RALGAPB: variants seen among roughly 807,000 people sequenced by gnomAD.
The protein encoded by RALGAPB is ral GTPase-activating protein subunit beta.
Under a neutral mutation model 161.1 loss-of-function variants are expected in RALGAPB, and 25 were observed. The observed-to-expected ratio is 0.16, with a 90% CI of 0.11 to 0.22. The LOEUF (loss-of-function observed/expected upper bound fraction) is 0.22, where lower values mean the gene tolerates loss of function less well. Among genes scored for constraint, RALGAPB ranks in the 10% least tolerant of loss-of-function variants. The pLI is 1.00. For synonymous variants in RALGAPB, 629 were observed against 626.1 expected (o/e 1.00, Z -0.07); for missense variants, 1,391 against 1,815.2 (o/e 0.77, Z 4.25).
intron 19 of RALGAPB, among the ~76,000 whole-genome samples, chr20:38,548,483 T>G (rs1250016747): frequency 6.6e-6 from 1 of 152,228 alleles, no homozygotes; most frequent in Non-Finnish European, 1.5e-5. Context: ...CATTTAGAGA[T>G]GCACAAGAGT....
chr20:38,535,155 A>G lies in RALGAPB; in HGVS notation c.2327A>G (p.Gln776Arg). ...VTQRLNSQWR[Q>R]DMSISLAALE... ...CAAAGACTCAACTCCCAGTGGCGCC[A>G]AGACATGAGCATATCACTGGCAGCT... is the stretch of plus-strand genomic sequence containing the variant. Residue 776 changes from glutamine to arginine, a missense_variant, in exon 16 of 30, where the codon CAA (glutamine) becomes CGA (arginine). Physicochemically the swap from Gln to Arg is conservative, Grantham distance 43. Coordinates refer to ENST00000262879, the MANE Select transcript of RALGAPB (RefSeq NM_020336.4). 1.9e-6 allele frequency: 3 copies of G among 1,614,168 alleles called. No individual in the cohort carries two copies. The highest frequency in any genetic ancestry group is 2.5e-6 in the Non-Finnish European group (3 of 1,179,992).
chr20:38,556,965 A>T (rs76859453), intron 22 of RALGAPB, among the ~76,000 whole-genome samples: 4,362 of 152,266 alleles, frequency 0.029, 76 homozygotes, highest in Admixed American at 0.044. Flanking sequence ...CAGAAATATT[A>T]ATGTCTTTTA....
chr20:38,525,836 C>G, intron 12 of RALGAPB, 59 bp from the exon 13 acceptor site: 9 of 1,548,102 alleles, frequency 5.8e-6, no homozygotes, highest in Non-Finnish European at 8.0e-6. Flanking sequence ...CTAGCTGTTC[C>G]CACATGGGCA....
rs989436499 is a variant in RALGAPB at position 38,575,145 on chromosome 20, T to C, written c.*178T>C. 2 of 588,424 alleles carry C rather than the reference T, an allele frequency of 3.4e-6. No homozygotes were observed. The highest frequency in any genetic ancestry group is 6.0e-6 in the Non-Finnish European group (2 of 335,930). 36.5% of individuals were successfully genotyped at this position (588,424 alleles called of 1,614,324 possible). The stretch of plus-strand genomic sequence containing the variant: ...TGATAGAAGACTTTGGGCTATCTAG[T>C]GAAATGGGCTCCCAGACACAATCAC... On this transcript the variant is annotated 3_prime_UTR_variant, in exon 30 of 30. Transcript: ENST00000262879.
intron 1 of RALGAPB, among the ~76,000 whole-genome samples, chr20:38,483,262 C>T (rs1026761563): frequency 2.0e-4 from 31 of 152,304 alleles, no homozygotes; most frequent in African/African-American, 6.5e-4. Flanking sequence ...TGCAACGTTA[C>T]CCAGCTTGCA....
intron 23 of RALGAPB, among the ~76,000 whole-genome samples, chr20:38,560,633 G>A (rs984667299): frequency 1.3e-5 from 2 of 152,134 alleles, no homozygotes; most frequent in African/African-American, 4.8e-5. Context: ...GCATTGTTTT[G>A]TATAAGAATA....
intron 5 of RALGAPB, among the ~76,000 whole-genome samples, chr20:38,500,268 TTGTG>T (rs1265761541): frequency 3.3e-5 from 5 of 151,564 alleles, no homozygotes; most frequent in Admixed American, 6.6e-5. Flanking sequence ...AATTGAAGGG[TTGTG>T]GCAACCCTGC....
At chr20:38,544,915 C>T (rs1328430052) in intron 18 of RALGAPB, among the ~76,000 whole-genome samples, 2 of 152,018 alleles carry the variant, frequency 1.3e-5, no homozygotes, top group African/African-American at 2.4e-5. Context: ...TTTTTTCACA[C>T]GTTTACCTTT....
At position 38,539,931 on chromosome 20, in the gene RALGAPB, A is replaced by G. The variant is rs1180586613; in HGVS notation, c.2535A>G (p.Thr845=). 1.9e-6 allele frequency: 3 copies of G among 1,613,918 alleles called. No individual in the cohort carries two copies. In the Middle Eastern group the frequency reaches 5.0e-4, roughly 266 times the overall value. The change falls in exon 17 of 30, where the codon ACA becomes ACG. Residue 845 remains threonine (T), a synonymous_variant. Coordinates refer to ENST00000262879, the MANE Select transcript of RALGAPB (RefSeq NM_020336.4). ...TTCAGTGTCTCTGTGTCTGGCTGAC[A>G]GAGCACCCTGATATGCTTGATGAAA... is the stretch of plus-strand genomic sequence containing the variant. ...AAFQCLCVWL[T]EHPDMLDEKD...
intron 2 of RALGAPB, among the ~76,000 whole-genome samples, chr20:38,490,033 G>T (rs6070345): frequency 6.7e-6 from 1 of 148,224 alleles, no homozygotes; most frequent in Non-Finnish European, 1.5e-5. Context: ...TTTTTGAGAC[G>T]GAGTCTCGCT....
At chr20:38,546,765 ACTC>A (rs990127398) in intron 19 of RALGAPB, 8 of 260,180 alleles carry the variant, frequency 3.1e-5, no homozygotes, top group Admixed American at 4.8e-5. Context: ...CCTCCCTCTC[ACTC>A]CTCATGTTCT....
intron 13 of RALGAPB, among the ~76,000 whole-genome samples, chr20:38,530,151 G>A (rs2086609727): frequency 2.0e-5 from 3 of 152,162 alleles, no homozygotes. Flanking sequence ...TTACTGCAGT[G>A]TTCAGTCTGT....
At chr20:38,560,451 A>T (rs1655198194) in intron 23 of RALGAPB, among the ~76,000 whole-genome samples, 1 of 152,182 alleles carries the variant, frequency 6.6e-6, no homozygotes, top group Non-Finnish European at 1.5e-5. Flanking sequence ...TCTTCAGGGT[A>T]AAGAGAGCAT....
chr20:38,571,518 T>C lies in RALGAPB; in HGVS notation c.4142+671T>C, dbSNP rs1036944060. On this transcript the variant is annotated intron_variant, in intron 28 of 29. Coordinates refer to ENST00000262879, the MANE Select transcript of RALGAPB (RefSeq NM_020336.4). ...GCGTAATGTACTCTAGATTCACCCATGTTGTTGCAGATGGCAGGATTTCCA... is the reference window on the plus strand; with the variant it reads ...GCGTAATGTACTCTAGATTCACCCACGTTGTTGCAGATGGCAGGATTTCCA... Among the ~76,000 whole-genome samples, 8 of 152,208 alleles carry C rather than the reference T, an allele frequency of 5.3e-5. No individual in the cohort carries two copies. The East Asian group carries it at 9.6e-4, about 18-fold the overall frequency.
chr20:38,494,699 G>C (rs1189523710), intron 3 of RALGAPB, among the ~76,000 whole-genome samples: 3 of 152,184 alleles, frequency 2.0e-5, no homozygotes, highest in Non-Finnish European at 4.4e-5. Flanking sequence ...TTATAAGCAG[G>C]TTCTTCTAAA....
intron 5 of RALGAPB, 44 bp from the exon 6 acceptor site, chr20:38,509,033 A>G (rs763500381): frequency 3.1e-6 from 5 of 1,592,716 alleles, no homozygotes; most frequent in Non-Finnish European, 4.3e-6. Context: ...TGTATTTTTC[A>G]ATCTGTTAAG....
At chr20:38,533,328 C>T (rs750055259) in intron 15 of RALGAPB, among the ~76,000 whole-genome samples, 7 of 152,102 alleles carry the variant, frequency 4.6e-5, no homozygotes, top group Non-Finnish European at 1.0e-4. Flanking sequence ...GATTCTTTAG[C>T]CCTGAAACAT....
At chr20:38,483,863 C>T (rs747358491) in intron 1 of RALGAPB, among the ~76,000 whole-genome samples, 11 of 152,062 alleles carry the variant, frequency 7.2e-5, no homozygotes, top group Non-Finnish European at 1.6e-4. Flanking sequence ...TAGCCTAAGC[C>T]GCAACAGCAA....
intron 5 of RALGAPB, among the ~76,000 whole-genome samples, chr20:38,506,732 A>G (rs185567165): frequency 4.3e-4 from 65 of 152,328 alleles, no homozygotes; most frequent in Middle Eastern, 3.4e-3. Context: ...ATAAACTGGT[A>G]GTTAGATCTA....
Sources: allele counts gnomAD v4.1 joint callset (sites outside exome capture counted in the v4.1 genomes callset), GRCh38; gene constraint gnomAD v4.1.1; transcripts MANE v1.5; gene names NCBI Gene and HGNC (gene_info 2026-07-23, HGNC 2026-07-21).